ATP6V0E1: variants seen among roughly 807,000 people sequenced by gnomAD.
The protein encoded by ATP6V0E1 is ATPase H+ transporting V0 subunit e1.
A neutral mutation model predicts 11.6 loss-of-function variants in ATP6V0E1; 4 were observed. The ratio of observed to expected loss-of-function variants is 0.35; its 90% confidence interval spans 0.17 to 0.79. ATP6V0E1 has a LOEUF of 0.79. Ranked by LOEUF, ATP6V0E1 falls within the 30% of genes least tolerant of loss-of-function variation. ATP6V0E1 has a pLI of 0.54. For synonymous variants in ATP6V0E1, 36 were observed against 34.8 expected, an observed-to-expected ratio of 1.04 and a Z score of -0.13; for missense variants, 105 against 100.0, an observed-to-expected ratio of 1.05 and a Z score of -0.21.
chr5:173,025,884 T>A (rs1756551441), intron 3 of ATP6V0E1, among the ~76,000 whole-genome samples: 1 of 152,130 alleles, frequency 6.6e-6, no homozygotes, highest in Non-Finnish European at 1.5e-5. Flanking sequence ...TAACAGCTGG[T>A]ACAGTGGTAT....
At chr5:173,021,372 C>CA (rs1337960473) in intron 3 of ATP6V0E1, among the ~76,000 whole-genome samples, 2 of 151,642 alleles carry the variant, frequency 1.3e-5, no homozygotes, top group Non-Finnish European at 2.9e-5. Flanking sequence ...ACAATAATGG[C>CA]GGAGGATGAA....
chr5:172,995,134 C>T (rs563959002), intron 2 of ATP6V0E1, among the ~76,000 whole-genome samples: 8 of 152,294 alleles, frequency 5.3e-5, no homozygotes, highest in Admixed American at 2.0e-4. Context: ...GACAAGGTCC[C>T]GCTCTGTCGC....
intron 3 of ATP6V0E1, among the ~76,000 whole-genome samples, chr5:173,031,693 C>T (rs1376220342): frequency 6.6e-6 from 1 of 151,656 alleles, no homozygotes; most frequent in Non-Finnish European, 1.5e-5. Flanking sequence ...GTGGCGGGCG[C>T]CTGTAGTCCC....
chr5:173,030,627 G>T (rs1393014453), intron 3 of ATP6V0E1, among the ~76,000 whole-genome samples: 3 of 151,308 alleles, frequency 2.0e-5, no homozygotes, highest in Non-Finnish European at 2.9e-5. Context: ...TTTTAGTAGA[G>T]ACGGGGTTTC....
chr5:173,010,213 G>A (rs552749494), intron 2 of ATP6V0E1, among the ~76,000 whole-genome samples: 2 of 152,296 alleles, frequency 1.3e-5, no homozygotes, highest in Admixed American at 1.3e-4. Context: ...CATAGAGTGG[G>A]TGGTCGCGGG....
chr5:173,010,920 T>C (rs1383572733), intron 2 of ATP6V0E1, among the ~76,000 whole-genome samples: 1 of 152,228 alleles, frequency 6.6e-6, no homozygotes, highest in Non-Finnish European at 1.5e-5. Flanking sequence ...GGGCATAGTT[T>C]ATGCTGGGAG....
intron 3 of ATP6V0E1, among the ~76,000 whole-genome samples, chr5:173,026,478 C>T (rs2113613587): frequency 6.6e-6 from 1 of 152,282 alleles, no homozygotes; most frequent in Admixed American, 6.5e-5. Flanking sequence ...TCTATCCTTT[C>T]ACTGTTTCAT....
At chr5:172,990,864 C>T (rs73329251) in intron 1 of ATP6V0E1, among the ~76,000 whole-genome samples, 3,222 of 151,780 alleles carry the variant, frequency 0.021, 105 homozygotes, top group African/African-American at 0.072. Context: ...GATGGGATCT[C>T]GCTCTGTTGG....
chr5:173,011,108 G>C (rs1359350085), intron 2 of ATP6V0E1, among the ~76,000 whole-genome samples: 1 of 151,672 alleles, frequency 6.6e-6, no homozygotes. Context: ...ATCCTCAGAG[G>C]TTGACATGGA....
Position 173,033,936 on chromosome 5 carries a change from G to A in ATP6V0E1, c.*37-463G>A, listed in dbSNP as rs943320625. Among the ~76,000 whole-genome samples the A allele has an allele frequency of 2.6e-5, 4 of 152,270 alleles. No individual in the cohort carries two copies. The Middle Eastern group carries it at 0.01, about 388-fold the overall frequency. On this transcript the variant is annotated intron_variant, in intron 3 of 3. Transcript: ENST00000519374. Reference sequence around the variant, plus strand: ...AAAGTGTCATTTGTCACCTACACTCGAGATAGCCAGAACGGGGAGCAAGCT... The same window carrying A: ...AAAGTGTCATTTGTCACCTACACTCAAGATAGCCAGAACGGGGAGCAAGCT...
intron 2 of ATP6V0E1, among the ~76,000 whole-genome samples, chr5:173,006,135 T>G (rs983278608): frequency 6.6e-6 from 1 of 152,236 alleles, no homozygotes; most frequent in East Asian, 1.9e-4. Context: ...TGTGGTTTTT[T>G]TTTGTTTGTT....
chr5:173,034,573 C>G lies in ATP6V0E1; in HGVS notation c.*211C>G. 1 of 658,618 alleles carries G rather than the reference C, an allele frequency of 1.5e-6. No homozygotes were observed. Among genetic ancestry groups the G allele is most frequent in the Non-Finnish European group, 2.8e-6 (1 of 357,936 alleles). 40.8% of individuals were successfully genotyped at this position (658,618 alleles called of 1,614,324 possible). ...TTTTTGCACTTTGGTGAATTACGTG[C>G]CTCCATAACCTGAACTGTGCCGACT... On this transcript the variant is annotated 3_prime_UTR_variant, in exon 4 of 4. Coordinates refer to ENST00000519374, the MANE Select transcript of ATP6V0E1 (RefSeq NM_003945.4).
chr5:172,984,973 G>T (rs1181674364), intron 1 of ATP6V0E1, among the ~76,000 whole-genome samples: 1 of 152,198 alleles, frequency 6.6e-6, no homozygotes, highest in Non-Finnish European at 1.5e-5. Context: ...TTGGCCAGGT[G>T]CCGTGGCTCA....
intron 2 of ATP6V0E1, among the ~76,000 whole-genome samples, chr5:173,003,486 G>A (rs183315695): frequency 1.3e-5 from 2 of 152,324 alleles, no homozygotes; most frequent in East Asian, 1.9e-4. Flanking sequence ...AAGGAGTGGT[G>A]TGAATGGGAT....
intron 1 of ATP6V0E1, among the ~76,000 whole-genome samples, chr5:172,991,218 G>A (rs937060556): frequency 6.6e-6 from 1 of 152,100 alleles, no homozygotes; most frequent in African/African-American, 2.4e-5. Flanking sequence ...ATTGTTTAAC[G>A]TATTCATATT....
chr5:173,008,569 G>A (rs1311239493), intron 2 of ATP6V0E1, among the ~76,000 whole-genome samples: 2 of 147,834 alleles, frequency 1.4e-5, no homozygotes, highest in African/African-American at 2.5e-5. Context: ...AAAGTGCTGG[G>A]ATTACAGGCG....
At chr5:172,984,057 A>C (rs1164780616) in intron 1 of ATP6V0E1, 93 bp downstream of exon 1, 6 of 1,243,896 alleles carry the variant, frequency 4.8e-6, no homozygotes, top group Admixed American at 1.7e-5. Context: ...GGGTCAGAGA[A>C]CGTTGCATGG....
At chr5:173,008,359 G>A (rs1756261300) in intron 2 of ATP6V0E1, among the ~76,000 whole-genome samples, 1 of 147,296 alleles carries the variant, frequency 6.8e-6, no homozygotes, top group African/African-American at 2.5e-5. Flanking sequence ...GAGTGCAGTG[G>A]CTCAATCTTG....
intron 2 of ATP6V0E1, among the ~76,000 whole-genome samples, chr5:173,011,287 C>T (rs1756322749): frequency 6.6e-6 from 1 of 151,192 alleles, no homozygotes; most frequent in Non-Finnish European, 1.5e-5. Flanking sequence ...CAGTGATCCT[C>T]CCACCTCAGC....
Sources: allele counts gnomAD v4.1 joint callset (sites outside exome capture counted in the v4.1 genomes callset), GRCh38; gene constraint gnomAD v4.1.1; transcripts MANE v1.5; gene names NCBI Gene and HGNC (gene_info 2026-07-23, HGNC 2026-07-21).